GBP7: variants seen among roughly 807,000 people sequenced by gnomAD.
GBP7 encodes guanylate-binding protein 7.
A neutral mutation model predicts 61.3 loss-of-function variants in GBP7; 43 were observed. The observed-to-expected ratio is 0.70, with a 90% CI of 0.55 to 0.91. The LOEUF is 0.91. Ranked by LOEUF, GBP7 falls within the 40% of genes least tolerant of loss-of-function variation. The probability of loss-of-function intolerance (pLI) is 0.00; values close to 1 mark genes in which losing one functional copy is unlikely to be tolerated. For missense variants in GBP7, 717 were observed against 740.5 expected, an observed-to-expected ratio of 0.97 and a Z score of 0.37; for synonymous variants, 267 against 271.0, an observed-to-expected ratio of 0.99 and a Z score of 0.14.
intron 1 of GBP7, among the ~76,000 whole-genome samples, chr1:89,175,514 A>T (rs1007933311): frequency 6.6e-6 from 1 of 152,198 alleles, no homozygotes; most frequent in Non-Finnish European, 1.5e-5. Context: ...TGGCACAAAG[A>T]TGTTATAAGG....
At chr1:89,147,920 T>G in intron 7 of GBP7, 141 bp from the exon 8 acceptor site, 1 of 786,272 alleles carries the variant, frequency 1.3e-6, no homozygotes, top group East Asian at 2.6e-5. Flanking sequence ...AAGACTTGTT[T>G]TAGTTCCAGT....
At chr1:89,136,693 C>G (rs77617061) in intron 9 of GBP7, among the ~76,000 whole-genome samples, 3,317 of 152,180 alleles carry the variant, frequency 0.022, 38 homozygotes, top group Middle Eastern at 0.048. Flanking sequence ...TAAACGACTA[C>G]AGTAGAAAGT....
At chr1:89,144,230 G>C (rs1682017216) in intron 8 of GBP7, among the ~76,000 whole-genome samples, 1 of 152,136 alleles carries the variant, frequency 6.6e-6, no homozygotes, top group African/African-American at 2.4e-5. Flanking sequence ...TGGCTGCATA[G>C]TGTCTCAAGG....
chr1:89,150,274 T>C (rs1474035455), intron 6 of GBP7, 56 bp downstream of exon 6: 33 of 1,515,188 alleles, frequency 2.2e-5, no homozygotes, highest in Middle Eastern at 1.8e-4. Flanking sequence ...CTTAGTTTAC[T>C]AGTTTTTGAG....
intron 3 of GBP7, among the ~76,000 whole-genome samples, chr1:89,153,198 G>T (rs1389479003): frequency 6.6e-6 from 1 of 152,172 alleles, no homozygotes; most frequent in African/African-American, 2.4e-5. Flanking sequence ...ACACTAGAAA[G>T]CACATTACAG....
chr1:89,164,590 C>A (rs1647366461), intron 3 of GBP7, 141 bp downstream of exon 3: 3 of 803,296 alleles, frequency 3.7e-6, no homozygotes, highest in Non-Finnish European at 5.9e-6. Context: ...AAAGTAAGTT[C>A]CAGAAAATGA....
rs767225236 is a variant in GBP7 at position 89,168,713 on chromosome 1, TC to T, written c.190+3032del. Among the ~76,000 whole-genome samples the T allele has an allele frequency of 9.2e-5, 14 of 152,126 alleles. No homozygotes were observed. In the East Asian group the frequency reaches 2.7e-3, roughly 29 times the overall value. On this transcript the variant is annotated intron_variant, in intron 2 of 10. Coordinates refer to ENST00000294671, the MANE Select transcript of GBP7 (RefSeq NM_207398.3). ...ATTTTGGGAGGCCAAGGCGGGTGGA[TC>T]ACCTGAGGTCAGGAGTTCAAGACCA...
At chr1:89,149,677 A>G (rs1682148581) in intron 6 of GBP7, 105 bp from the exon 7 acceptor site, 4 of 959,968 alleles carry the variant, frequency 4.2e-6, no homozygotes, top group Non-Finnish European at 6.1e-6. Context: ...TCCATTTAAC[A>G]TGAATTTTCC....
chr1:89,147,645 C>CG lies in GBP7; in HGVS notation c.1286dup (p.His432AlafsTer12). 1 of 1,614,134 alleles carries CG rather than the reference C, an allele frequency of 6.2e-7. No individual in the cohort carries two copies. Among genetic ancestry groups the CG allele is most frequent in the Non-Finnish European group, 8.5e-7 (1 of 1,180,000 alleles). ...CTTCTAAGTAGATATTGTGCCCCCC[C>CG]GGAACAAAGAAAGTTCCTCTTGAAA... On this transcript the variant is annotated frameshift_variant, in exon 8 of 11. Coordinates refer to ENST00000294671, the MANE Select transcript of GBP7 (RefSeq NM_207398.3). LOFTEE classifies it high-confidence loss of function.
chr1:89,155,448 A>G (rs1444638913), intron 3 of GBP7, among the ~76,000 whole-genome samples: 1 of 152,210 alleles, frequency 6.6e-6, no homozygotes, highest in African/African-American at 2.4e-5. Flanking sequence ...CAAAGAAGCT[A>G]AAAACCTTGA....
chr1:89,132,350 A>C lies in GBP7; in HGVS notation c.1716T>G (p.Asn572Lys). Residue 572 changes from asparagine (N) to lysine (K), a missense_variant, in exon 11 of 11, where the codon AAT (asparagine) becomes AAG (lysine). Transcript: ENST00000294671. ...GTTCTTTCAGTCGATTAATCTCTTC[A>C]TTTAACGACTCAAATATCTCTTTAA... ...EGFKEIFESL[N>K]EEINRLKEQI... 1 of 1,612,702 alleles carries C rather than the reference A, an allele frequency of 6.2e-7. No individual in the cohort carries two copies. Among genetic ancestry groups the C allele is most frequent in the Non-Finnish European group, 8.5e-7 (1 of 1,178,986 alleles).
intron 1 of GBP7, among the ~76,000 whole-genome samples, chr1:89,172,204 C>T (rs558476245): frequency 1.3e-5 from 2 of 152,228 alleles, no homozygotes; most frequent in East Asian, 3.9e-4. Flanking sequence ...TCCCTGGCTT[C>T]CCCTAATGTC....
chr1:89,159,050 T>C (rs1682376928), intron 3 of GBP7, among the ~76,000 whole-genome samples: 1 of 151,980 alleles, frequency 6.6e-6, no homozygotes, highest in Non-Finnish European at 1.5e-5. Context: ...CCCTCGGAAA[T>C]AATACCACAC....
At chr1:89,161,663 TGGA>T (rs1647274569) in intron 3 of GBP7, among the ~76,000 whole-genome samples, 4 of 152,222 alleles carry the variant, frequency 2.6e-5, no homozygotes, top group African/African-American at 9.6e-5. Flanking sequence ...TTATAGATGC[TGGA>T]TATTAGTCCT....
At position 89,133,262 on chromosome 1, in the gene GBP7, A is replaced by T. The variant is rs143276909; in HGVS notation, c.1658T>A (p.Met553Lys). ...CCAAGCTTCATCCAGACTCACCTTC[A>T]TCTTGTGACTCAACATCTTTCTCAG... ...RELRKMLSHK[M>K]KVLEELLTEG... Residue 553 changes from methionine (M) to lysine (K), a missense_variant, in exon 10 of 11, where the codon ATG becomes AAG. Met to Lys is a moderately conservative substitution (Grantham distance 95). Transcript: ENST00000294671. The T allele has an allele frequency of 1.4e-5, 22 of 1,612,684 alleles. No individual in the cohort carries two copies. The highest frequency in any genetic ancestry group is 3.3e-5 in the South Asian group (3 of 91,000).
intron 9 of GBP7, among the ~76,000 whole-genome samples, chr1:89,136,951 A>G (rs541708140): frequency 6.6e-6 from 1 of 152,228 alleles, no homozygotes; most frequent in African/African-American, 2.4e-5. Context: ...AATAAACACA[A>G]TAAAAAAATG....
At position 89,171,895 on chromosome 1, in the gene GBP7, G is replaced by A. The variant is rs676913; in HGVS notation, c.41C>T (p.Thr14Ile). Residue 14 changes from threonine to isoleucine, a missense_variant, in exon 2 of 11, where the codon ACT (threonine) becomes ATT (isoleucine). By Grantham distance (89) the Thr-to-Ile change is moderately conservative. Coordinates refer to ENST00000294671, the MANE Select transcript of GBP7 (RefSeq NM_207398.3). ...CACCAGATGCCCTTTAGTGTTCTCA[G>A]TGAGGCACACTGGGCCTGGCATGTG... is the stretch of plus-strand genomic sequence containing the variant. ...EIHMPGPVCLTENTKGHLVVN... is the reference protein window; with the variant it reads ...EIHMPGPVCLIENTKGHLVVN... 0.68 allele frequency: 1,090,493 copies of A among 1,612,616 alleles called. 370,664 individuals carry two copies. Among genetic ancestry groups the A allele is most frequent in the African/African-American group, 0.8 (59,779 of 74,816 alleles).
chr1:89,165,669 C>G (rs780512849), intron 2 of GBP7, among the ~76,000 whole-genome samples: 1 of 151,220 alleles, frequency 6.6e-6, no homozygotes, highest in Admixed American at 6.6e-5. Context: ...AACGCAGGAA[C>G]AGAAAACCAA....
chr1:89,144,019 C>G (rs1682012528), intron 8 of GBP7, among the ~76,000 whole-genome samples: 1 of 152,170 alleles, frequency 6.6e-6, no homozygotes, highest in Admixed American at 6.5e-5. Flanking sequence ...TTCAACCCTA[C>G]TTCCCTCCCT....
Sources: allele counts gnomAD v4.1 joint callset (sites outside exome capture counted in the v4.1 genomes callset), GRCh38; gene constraint gnomAD v4.1.1; transcripts MANE v1.5; gene names NCBI Gene and HGNC (gene_info 2026-07-23, HGNC 2026-07-21).